Variants in TMEM236 observed in about 807,000 individuals in gnomAD.
TMEM236 encodes the protein transmembrane protein 236.
TMEM236 carries 11 observed loss-of-function variants against 14.7 expected under a neutral mutation model. The observed-to-expected ratio is 0.75, with a 90% CI of 0.47 to 1.24. The LOEUF is 1.24. TMEM236 is among the 50% of genes most tolerant of loss of function. The pLI, the probability that TMEM236 is intolerant of heterozygous loss-of-function variation, is 0.00. For synonymous variants in TMEM236, 182 were observed against 168.6 expected (o/e 1.08, Z -0.62); for missense variants, 464 against 427.3 (o/e 1.09, Z -0.76).
At chr10:17,756,238 A>G (rs1837282266) in intron 1 of TMEM236, among the ~76,000 whole-genome samples, 1 of 152,306 alleles carries the variant, frequency 6.6e-6, no homozygotes, top group East Asian at 1.9e-4. Flanking sequence ...TGGGTGACAG[A>G]TGGAGACCCC....
rs1837222847 is a variant in TMEM236, at chr10:17,752,437, T to TGG, written c.143_144dup (p.Leu49GlyfsTer2). The TGG allele has an allele frequency of 1.4e-5, 22 of 1,614,014 alleles. No individual in the cohort carries two copies. The highest frequency in any genetic ancestry group is 1.8e-5 in the Non-Finnish European group (21 of 1,179,866). ...GGCTAGATCTGACAACACACACTACTGGCTGATCATCTCCTGTTCTATTGC... is the reference window on the plus strand; with the variant it reads ...GGCTAGATCTGACAACACACACTACTGGGGCTGATCATCTCCTGTTCTATTGC... On this transcript the variant is annotated frameshift_variant, in exon 1 of 4. Transcript: ENST00000377495. LOFTEE classifies it high-confidence loss of function.
chr10:17,789,359 A>C (rs1249217953), intron 3 of TMEM236, among the ~76,000 whole-genome samples: 1 of 152,226 alleles, frequency 6.6e-6, no homozygotes, highest in Admixed American at 6.5e-5. Flanking sequence ...ATTTACTGCA[A>C]CCTAATATAT....
chr10:17,786,854 C>A (rs941520429), intron 3 of TMEM236, among the ~76,000 whole-genome samples: 8 of 152,276 alleles, frequency 5.3e-5, no homozygotes, highest in African/African-American at 1.9e-4. Flanking sequence ...CATAGGTAAA[C>A]CTGACAGTAA....
intron 1 of TMEM236, among the ~76,000 whole-genome samples, chr10:17,769,593 A>G (rs943849873): frequency 9.4e-4 from 143 of 152,286 alleles, no homozygotes; most frequent in Non-Finnish European, 1.9e-3. Flanking sequence ...TGGCTTGTCC[A>G]ATCTTACTTA....
At chr10:17,782,555 G>A (rs1330771323) in intron 3 of TMEM236, among the ~76,000 whole-genome samples, 4 of 152,106 alleles carry the variant, frequency 2.6e-5, no homozygotes, top group South Asian at 2.1e-4. Flanking sequence ...GGGCTTAAGC[G>A]ATTCTCGTGC....
At chr10:17,757,236 T>C (rs1169619660) in intron 1 of TMEM236, among the ~76,000 whole-genome samples, 1 of 152,228 alleles carries the variant, frequency 6.6e-6, no homozygotes, top group African/African-American at 2.4e-5. Flanking sequence ...GAAGTGTACA[T>C]GCTAAAGTTC....
intron 3 of TMEM236, among the ~76,000 whole-genome samples, chr10:17,785,172 G>T (rs1234388849): frequency 5.9e-5 from 9 of 152,174 alleles, no homozygotes; most frequent in Non-Finnish European, 1.2e-4. Context: ...GAAAGTCTAA[G>T]CTATTGCCAT....
intron 3 of TMEM236, among the ~76,000 whole-genome samples, chr10:17,794,300 A>C (rs1837973092): frequency 6.6e-6 from 1 of 152,038 alleles, no homozygotes; most frequent in South Asian, 2.1e-4. Context: ...GCTCCTTTTA[A>C]GTTTTGTTTT....
At chr10:17,793,418 A>G (rs1837959861) in intron 3 of TMEM236, among the ~76,000 whole-genome samples, 1 of 152,242 alleles carries the variant, frequency 6.6e-6, no homozygotes, top group Non-Finnish European at 1.5e-5. Context: ...AGAGAGGGGA[A>G]CAAAAGTTCT....
chr10:17,796,547 T>C lies in TMEM236; in HGVS notation c.*43T>C. 6.7e-7 allele frequency: 1 copy of C among 1,487,630 alleles called. No homozygotes were observed. The highest frequency in any genetic ancestry group is 9.4e-7 in the Non-Finnish European group (1 of 1,065,498). The allele number at this position is 1,487,630 out of a possible 1,614,324, so 92.2% of individuals were successfully genotyped here. A position where few individuals can be genotyped will look rare whatever the true frequency, so the allele number is the denominator to read the frequency against. On this transcript the variant is annotated 3_prime_UTR_variant, in exon 4 of 4. Coordinates refer to ENST00000377495, the MANE Select transcript of TMEM236 (RefSeq NM_001098844.3). The stretch of plus-strand genomic sequence containing the variant: ...GTAAGGCCTCTTTGTGATACCTGTG[T>C]GCACATTTGTAATCCTTCTTTTTTT...
In TMEM236 at chr10:17,771,386, G is replaced by C; in HGVS notation, c.330+5G>C. The C allele has an allele frequency of 6.2e-7, 1 of 1,613,186 alleles. No homozygotes were observed. Among genetic ancestry groups the C allele is most frequent in the South Asian group, 1.1e-5 (1 of 91,052 alleles). The stretch of plus-strand genomic sequence containing the variant: ...TTTTCCATAGCAGTGACTGAGGTAT[G>C]GAATTTTTGATTTCTTCTGCTACAA... On this transcript the variant is annotated splice_donor_5th_base_variant and intron_variant, in intron 2 of 3. Transcript: ENST00000377495.
intron 1 of TMEM236, among the ~76,000 whole-genome samples, chr10:17,758,649 C>T (rs1043217198): frequency 6.6e-6 from 1 of 152,110 alleles, no homozygotes; most frequent in South Asian, 2.1e-4. Flanking sequence ...AGTGTTATGA[C>T]CTCAAACTGA....
chr10:17,774,798 T>TTCTCTCTCTC (rs781848506), intron 2 of TMEM236, among the ~76,000 whole-genome samples: 4,891 of 142,050 alleles, frequency 0.034, 100 homozygotes, highest in African/African-American at 0.056. Flanking sequence ...CCTACCTCCT[T>TTCTCTCTCTC]TCTCTCTCTC....
chr10:17,789,103 A>G (rs1837881586), intron 3 of TMEM236, among the ~76,000 whole-genome samples: 1 of 152,184 alleles, frequency 6.6e-6, no homozygotes, highest in Admixed American at 6.5e-5. Context: ...TGATAATGGA[A>G]TTAGGAAGAG....
intron 1 of TMEM236, among the ~76,000 whole-genome samples, chr10:17,765,899 A>C (rs1837454878): frequency 2.0e-5 from 3 of 152,132 alleles, no homozygotes; most frequent in African/African-American, 7.2e-5. Flanking sequence ...AAGATAACAC[A>C]TTTGCAGCCA....
At chr10:17,764,837 C>CTTTTTTTTTT (rs1238545582) in intron 1 of TMEM236, among the ~76,000 whole-genome samples, 55,620 of 123,186 alleles carry the variant, frequency 0.45, 12,703 homozygotes, top group South Asian at 0.51. Flanking sequence ...CAGATTTTCC[C>CTTTTTTTTTT]TTTTTTTTTT....
chr10:17,762,597 A>ATG (rs1554834065), intron 1 of TMEM236, among the ~76,000 whole-genome samples: 1 of 75,358 alleles, frequency 1.3e-5, no homozygotes, highest in Non-Finnish European at 2.2e-5. Context: ...ATATATATAT[A>ATG]TATATATATA....
At chr10:17,761,636 G>A (rs1335675949) in intron 1 of TMEM236, among the ~76,000 whole-genome samples, 3 of 148,850 alleles carry the variant, frequency 2.0e-5, no homozygotes, top group Non-Finnish European at 4.4e-5. Context: ...AGAGTTTGCA[G>A]TGAGCTGAGA....
At position 17,769,109 on chromosome 10, in the gene TMEM236, CA is replaced by C. The variant is rs1418697390; in HGVS notation, c.258-2199del. Among the ~76,000 whole-genome samples, 34 of 150,362 alleles carry C rather than the reference CA, an allele frequency of 2.3e-4. No homozygotes were observed. The South Asian group carries it at 7.1e-3, about 32-fold the overall frequency. On this transcript the variant is annotated intron_variant, in intron 1 of 3. Transcript: ENST00000377495. ...TGGAGCAGTGACAAGACGTGTTTTACATTTTAAAAGCATGACTTCATTTAAA... is the reference window on the plus strand; with the variant it reads ...TGGAGCAGTGACAAGACGTGTTTTACTTTTAAAAGCATGACTTCATTTAAA...
Sources: allele counts gnomAD v4.1 joint callset (sites outside exome capture counted in the v4.1 genomes callset), GRCh38; gene constraint gnomAD v4.1.1; transcripts MANE v1.5; gene names NCBI Gene and HGNC (gene_info 2026-07-23, HGNC 2026-07-21).